Variants in TSHZ3 observed in about 807,000 individuals in gnomAD.
TSHZ3 encodes teashirt zinc finger homeobox 3.
Under a neutral mutation model 64.5 loss-of-function variants are expected in TSHZ3, and 10 were observed. That is an observed-to-expected ratio of 0.16 (90% CI 0.10 to 0.26). The LOEUF is 0.26. Among genes scored for constraint, TSHZ3 ranks in the 10% least tolerant of loss-of-function variants. TSHZ3 has a pLI of 1.00. For synonymous variants in TSHZ3, 608 were observed against 593.1 expected, an observed-to-expected ratio of 1.03 and a Z score of -0.36; for missense variants, 1,242 against 1,421.7, an observed-to-expected ratio of 0.87 and a Z score of 2.03.
intron 1 of TSHZ3, among the ~76,000 whole-genome samples, chr19:31,265,415 A>AG (rs1309660297): frequency 2.0e-5 from 3 of 149,894 alleles, no homozygotes; most frequent in African/African-American, 4.9e-5. Context: ...AAAAAAAAAA[A>AG]AAAAAGAAAG....
At chr19:31,343,598 TAAG>T (rs1917497547) in intron 1 of TSHZ3, among the ~76,000 whole-genome samples, 1 of 152,158 alleles carries the variant, frequency 6.6e-6, no homozygotes, top group South Asian at 2.1e-4. Flanking sequence ...CAAGTGGTCA[TAAG>T]AAGATTATGT....
chr19:31,268,943 C>A (rs1408801128), intron 1 of TSHZ3, among the ~76,000 whole-genome samples: 1 of 152,116 alleles, frequency 6.6e-6, no homozygotes, highest in Non-Finnish European at 1.5e-5. Context: ...AAGCTCAGCG[C>A]CCACTAGAGA....
At chr19:31,280,571 G>A (rs910416063) in intron 1 of TSHZ3, among the ~76,000 whole-genome samples, 2 of 152,106 alleles carry the variant, frequency 1.3e-5, no homozygotes, top group Non-Finnish European at 2.9e-5. Flanking sequence ...ATTGGTATGC[G>A]GTGCTCATTC....
chr19:31,314,673 C>T (rs767715571), intron 1 of TSHZ3, among the ~76,000 whole-genome samples: 6 of 152,180 alleles, frequency 3.9e-5, no homozygotes, highest in Non-Finnish European at 5.9e-5. Flanking sequence ...CCTCAAGATG[C>T]GTTAGATTAC....
At chr19:31,295,869 C>T (rs867304935) in intron 1 of TSHZ3, among the ~76,000 whole-genome samples, 7 of 149,552 alleles carry the variant, frequency 4.7e-5, no homozygotes, top group Non-Finnish European at 7.4e-5. Flanking sequence ...TATGATGGAT[C>T]CCATCACCCC....
At chr19:31,222,169 A>G (rs148432498) in intron 4 of TSHZ3, among the ~76,000 whole-genome samples, 3 of 152,364 alleles carry the variant, frequency 2.0e-5, no homozygotes, top group East Asian at 1.9e-4. Flanking sequence ...AAGAATTCCA[A>G]TTTGTAGAAT....
At chr19:31,208,913 G>A (rs1284240766) in intron 4 of TSHZ3, among the ~76,000 whole-genome samples, 1 of 152,186 alleles carries the variant, frequency 6.6e-6, no homozygotes, top group African/African-American at 2.4e-5. Flanking sequence ...GGACGGCTGG[G>A]GTTGGTATCA....
intron 1 of TSHZ3, among the ~76,000 whole-genome samples, chr19:31,250,759 T>C (rs1004319702): frequency 2.6e-5 from 4 of 152,182 alleles, no homozygotes; most frequent in Non-Finnish European, 5.9e-5. Flanking sequence ...ATCATATTTT[T>C]CATCAAGTAG....
At chr19:31,200,099 ACT>A (rs775427724) in intron 5 of TSHZ3, among the ~76,000 whole-genome samples, 1 of 152,018 alleles carries the variant, frequency 6.6e-6, no homozygotes, top group African/African-American at 2.4e-5. Context: ...AGCAACAGAA[ACT>A]CTCACTCATT....
chr19:31,234,531 G>C (rs529629511), intron 3 of TSHZ3, among the ~76,000 whole-genome samples: 55 of 152,264 alleles, frequency 3.6e-4, no homozygotes, highest in African/African-American at 1.2e-3. Context: ...AGATGCCCAC[G>C]ATCAGGTTGA....
At chr19:31,301,627 C>T (rs188600462) in intron 1 of TSHZ3, among the ~76,000 whole-genome samples, 8 of 152,240 alleles carry the variant, frequency 5.3e-5, no homozygotes, top group African/African-American at 9.6e-5. Flanking sequence ...AAAGGGATTC[C>T]GCAAGGTCCA....
At position 31,282,808 on chromosome 19, in the gene TSHZ3, G is replaced by A. The variant is rs1976387503; in HGVS notation, c.41-3056C>T. 2.6e-5 allele frequency among the ~76,000 whole-genome samples: 4 copies of A among 152,288 alleles called. No individual in the cohort carries two copies. In the South Asian group the frequency reaches 6.2e-4, roughly 24 times the overall value. On this transcript the variant is annotated intron_variant, in intron 1 of 1. Transcript: ENST00000240587. Reference sequence around the variant, plus strand: ...GATCCAACTCAGAGGAGAATTAAAAGGCTCTGGTGCCAAGCAGAACTGGGT... The same window carrying A: ...GATCCAACTCAGAGGAGAATTAAAAAGCTCTGGTGCCAAGCAGAACTGGGT...
intron 5 of TSHZ3, among the ~76,000 whole-genome samples, chr19:31,175,179 T>C (rs918996640): frequency 1.3e-5 from 2 of 152,174 alleles, no homozygotes; most frequent in African/African-American, 2.4e-5. Context: ...CAGAGCTGGA[T>C]AGACACAGGT....
At chr19:31,234,216 CT>C (rs1332359731) in intron 3 of TSHZ3, among the ~76,000 whole-genome samples, 1 of 152,094 alleles carries the variant, frequency 6.6e-6, no homozygotes, top group Non-Finnish European at 1.5e-5. Context: ...ATATATTCAT[CT>C]TGTATTCTGT....
chr19:31,273,240 G>A (rs1976170341), downstream of TSHZ3, among the ~76,000 whole-genome samples: 1 of 152,142 alleles, frequency 6.6e-6, no homozygotes, highest in Admixed American at 6.5e-5. Flanking sequence ...ATTCGTGCCT[G>A]GAGCCCTACT....
At chr19:31,281,319 G>T (rs1256530353) in intron 1 of TSHZ3, among the ~76,000 whole-genome samples, 1 of 152,126 alleles carries the variant, frequency 6.6e-6, no homozygotes, top group African/African-American at 2.4e-5. Context: ...CAGGACAGGT[G>T]TGATTCTTTT....
chr19:31,313,205 T>C (rs1916508667), intron 1 of TSHZ3, among the ~76,000 whole-genome samples: 1 of 152,160 alleles, frequency 6.6e-6, no homozygotes, highest in Non-Finnish European at 1.5e-5. Flanking sequence ...CGTTTGCTGT[T>C]AGCATTTCCA....
intron 5 of TSHZ3, among the ~76,000 whole-genome samples, chr19:31,194,342 C>T (rs1974954642): frequency 6.6e-6 from 1 of 152,186 alleles, no homozygotes; most frequent in Admixed American, 6.6e-5. Flanking sequence ...TGCATCAGAG[C>T]ATTCTGTTCT....
At position 31,277,619 on chromosome 19, in the gene TSHZ3, A is replaced by G. The variant is rs1976266696; in HGVS notation, c.2174T>C (p.Leu725Pro). The part of the protein sequence containing the change: ...EQPFVNPLSA[L>P]QSVMNIHLGK... The stretch of plus-strand genomic sequence containing the variant: ...CAGGTGAATGTTCATGACTGACTGC[A>G]GGGCGCTCAAAGGGTTAACAAAAGG... Residue 725 changes from leucine (L) to proline (P), a missense_variant, in exon 2 of 2, where the codon CTG becomes CCG. This residue lies in a region of TSHZ3 where 550 missense variants were observed against 545.1 expected (regional missense o/e 1.01). Coordinates refer to ENST00000240587, the MANE Select transcript of TSHZ3 (RefSeq NM_020856.4). The surrounding 1 kb of genome is among the most constrained non-coding windows in gnomAD (Gnocchi z 4.5). 1 of 1,575,072 alleles carries G rather than the reference A, an allele frequency of 6.3e-7. No individual in the cohort carries two copies. The highest frequency in any genetic ancestry group is 8.6e-7 in the Non-Finnish European group (1 of 1,160,736).
Sources: allele counts gnomAD v4.1 joint callset (sites outside exome capture counted in the v4.1 genomes callset), GRCh38; gene constraint gnomAD v4.1.1; regional missense constraint gnomAD v4.1.1; non-coding constraint Gnocchi (gnomAD v3.1); transcripts MANE v1.5; gene names NCBI Gene and HGNC (gene_info 2026-07-23, HGNC 2026-07-21).